The following OPLAH variants were observed in gnomAD, a reference collection of about 807,000 sequenced individuals.
OPLAH encodes the protein 5-oxoprolinase, ATP-hydrolysing.
A neutral mutation model predicts 122.8 loss-of-function variants in OPLAH; 103 were observed. The ratio of observed to expected loss-of-function variants is 0.84; its 90% CI spans 0.71 to 0.99. OPLAH has a LOEUF of 0.99. Among genes scored for constraint, OPLAH ranks in the 50% least tolerant of loss-of-function variants. The pLI is 0.00. For missense variants in OPLAH, 1,902 were observed against 1,836.5 expected, an observed-to-expected ratio of 1.04 and a Z score of -0.65; for synonymous variants, 875 against 796.0, an observed-to-expected ratio of 1.10 and a Z score of -1.67.
chr8:144,058,353 T>G lies in OPLAH; in HGVS notation c.835A>C (p.Thr279Pro), dbSNP rs1587564993. The change falls in exon 7 of 27, where the codon ACC becomes CCC. Residue 279 changes from threonine (T) to proline (P), a missense_variant. This residue lies in a region of OPLAH where 1,726 missense variants were observed against 1,642.1 expected (regional missense o/e 1.05). Coordinates refer to ENST00000618853, the MANE Select transcript of OPLAH (RefSeq NM_017570.5). ...AGCACAGCACTGGAGCCGCTGAAGG[T>G]GTCCATGGGCGCCAGGCCGCCATCG... is the stretch of plus-strand genomic sequence containing the variant. Reference protein sequence around the residue: ...RSDGGLAPMDTFSGSSAVLSG... With the variant: ...RSDGGLAPMDPFSGSSAVLSG... 6.3e-7 allele frequency: 1 copy of G among 1,596,676 alleles called. No individual in the cohort carries two copies. The highest frequency in any genetic ancestry group is 8.5e-7 in the Non-Finnish European group (1 of 1,174,336).
chr8:144,058,673 C>G lies in OPLAH; in HGVS notation c.606G>C (p.Gln202His). The change falls in exon 6 of 27, where the codon CAG becomes CAC. Residue 202 changes from glutamine to histidine, a missense_variant. Coordinates refer to ENST00000618853, the MANE Select transcript of OPLAH (RefSeq NM_017570.5). The part of the protein sequence containing the change: ...MHSYTWAQHE[Q>H]QVGVLARELG... ...GCTCCCGGGCCAGCACACCCACCTG[C>G]TGCTCATGCTGGGCCCACCTATGAC... 1 of 1,591,908 alleles carries G rather than the reference C, an allele frequency of 6.3e-7. No homozygotes were observed. The highest frequency in any genetic ancestry group is 8.5e-7 in the Non-Finnish European group (1 of 1,171,294).
chr8:144,057,470 C>G lies in OPLAH; in HGVS notation c.1400G>C (p.Arg467Pro). 1 of 1,590,298 alleles carries G rather than the reference C, an allele frequency of 6.3e-7. No individual in the cohort carries two copies. The highest frequency in any genetic ancestry group is 2.3e-5 in the East Asian group (1 of 43,790). The change falls in exon 10 of 27, where the codon CGG (arginine) becomes CCG (proline). Residue 467 changes from arginine (R) to proline (P), a missense_variant. By Grantham distance (103) the Arg-to-Pro change is moderately radical. Coordinates refer to ENST00000618853, the MANE Select transcript of OPLAH (RefSeq NM_017570.5). ...TACCTGCGTGAGTGCACGGATGGGC[C>G]GGCACATGGCCTCGTTGGCCACGCG... Reference protein sequence around the residue: ...FVRVANEAMCRPIRALTQARG... With the variant: ...FVRVANEAMCPPIRALTQARG...
chr8:144,056,924 G>A (rs1554759361), intron 12 of OPLAH, 24 bp downstream of exon 12: 18 of 1,556,556 alleles, frequency 1.2e-5, no homozygotes, highest in Non-Finnish European at 1.5e-5. Flanking sequence ...TAAGCCCTCT[G>A]TCCAGGGCAC....
In OPLAH at chr8:144,051,394, G is replaced by C. The variant is rs782525548; in HGVS notation, c.3799C>G (p.Pro1267Ala). Residue 1267 changes from proline to alanine, a missense_variant, in exon 27 of 27, where the codon CCG becomes GCG. Pro to Ala is a conservative substitution (Grantham distance 27). Transcript: ENST00000618853. ...EDPAPPPGSPPQALAFPEHGS... is the reference protein window; with the variant it reads ...EDPAPPPGSPAQALAFPEHGS... ...TGCTCGGGAAAGGCCAGTGCTTGCG[G>C]GGGCGACCCCGGCGGTGGGGCGGGG... 26 of 1,601,328 alleles carry C rather than the reference G, an allele frequency of 1.6e-5. No individual in the cohort carries two copies. In the Admixed American group the frequency reaches 4.3e-4, roughly 27 times the overall value.
chr8:144,055,114 A>C lies in OPLAH; in HGVS notation c.2324T>G (p.Leu775Arg), dbSNP rs781916722. 1.6e-5 allele frequency: 25 copies of C among 1,586,164 alleles called. 1 individual carries two copies. In the South Asian group the frequency reaches 2.8e-4, roughly 18 times the overall value. Residue 775 changes from leucine (L) to arginine (R), a missense_variant, in exon 17 of 27, where the codon CTC becomes CGC. Leu to Arg is a moderately radical substitution (Grantham distance 102, BLOSUM62 -2). Transcript: ENST00000618853. The surrounding 1 kb of genome is among the most constrained non-coding windows in gnomAD (Gnocchi z 6.5). ...IKERLDFSCA[L>R]FGPDGGLVSN... Reference sequence around the variant, plus strand: ...CACCAGCCCCCCATCGGGCCCAAAGAGGGCACAGGAGAAGTCCAGACGCTC... The same window carrying C: ...CACCAGCCCCCCATCGGGCCCAAAGCGGGCACAGGAGAAGTCCAGACGCTC...
rs371046097 is a variant in OPLAH, at chr8:144,056,478, G to A, written c.1890C>T (p.Val630=). The A allele has an allele frequency of 6.0e-5, 96 of 1,611,710 alleles. No homozygotes were observed. The African/African-American group carries it at 8.4e-4, about 14-fold the overall frequency. Residue 630 remains valine (V), a synonymous_variant, in exon 14 of 27, where the codon GTC becomes GTT. Coordinates refer to ENST00000618853, the MANE Select transcript of OPLAH (RefSeq NM_017570.5). ...FGFVIPERPV[V]VDDVRVRGTG... ...TGCCCCGCACTCGCACATCGTCCAC[G>A]ACCACCGGCCGCTCAGGTATGACAA...
chr8:144,059,621 G>C lies in OPLAH; in HGVS notation c.341C>G (p.Ala114Gly), dbSNP rs1554760374. The C allele has an allele frequency of 1.9e-6, 3 of 1,610,912 alleles. No homozygotes were observed. Among genetic ancestry groups the C allele is most frequent in the Non-Finnish European group, 2.5e-6 (3 of 1,178,674 alleles). The change falls in exon 3 of 27, where the codon GCC becomes GGC. Residue 114 changes from alanine (A) to glycine (G), a missense_variant. Around this residue, in one of 3 missense-constraint regions of OPLAH, gnomAD observed 168 missense variants for 170.6 expected, o/e 0.98. Transcript: ENST00000618853. ...CACCAGGTCAAAGAGGTCCCCACGGGCTTGGGTGCCAATGTGCAGCAGGTC... is the reference window on the plus strand; with the variant it reads ...CACCAGGTCAAAGAGGTCCCCACGGCCTTGGGTGCCAATGTGCAGCAGGTC... ...FRDLLHIGTQ[A>G]RGDLFDLAVP...
Position 144,055,862 on chromosome 8 carries a change from ACTTCGGC to A in OPLAH, c.2167_2173del (p.Ala723SerfsTer22). The A allele has an allele frequency of 1.3e-6, 2 of 1,579,656 alleles. No homozygotes were observed. Among genetic ancestry groups the A allele is most frequent in the Non-Finnish European group, 1.7e-6 (2 of 1,163,416 alleles). On this transcript the variant is annotated frameshift_variant, in exon 16 of 27. Coordinates refer to ENST00000618853, the MANE Select transcript of OPLAH (RefSeq NM_017570.5). LOFTEE classifies it high-confidence loss of function. The surrounding 1 kb of genome is among the most constrained non-coding windows in gnomAD (Gnocchi z 6.5). ...CAGCTGGGGGCCCACTGTGCCGGGG[ACTTCGGC>A]CCCCACGGAGATGCAGATGTCCCCT...
intron 1 of OPLAH, among the ~76,000 whole-genome samples, chr8:144,060,436 G>A (rs1554760673): frequency 6.6e-6 from 1 of 152,218 alleles, no homozygotes; most frequent in Non-Finnish European, 1.5e-5. Flanking sequence ...GGTTTGGGGC[G>A]AGCTGGCCGG....
At position 144,051,711 on chromosome 8, in the gene OPLAH, A is replaced by G. The variant is rs1212942286; in HGVS notation, c.3720+18T>C. Reference sequence around the variant, plus strand: ...GGGGAGGGGAGGGGAGGGGGACAGGACAGGCCGCGGCCCTTACCCCGGGGT... The same window carrying G: ...GGGGAGGGGAGGGGAGGGGGACAGGGCAGGCCGCGGCCCTTACCCCGGGGT... On this transcript the variant is annotated intron_variant, in intron 26 of 26. Coordinates refer to ENST00000618853, the MANE Select transcript of OPLAH (RefSeq NM_017570.5). The G allele has an allele frequency of 5.1e-6, 8 of 1,572,794 alleles. No individual in the cohort carries two copies. In the Admixed American group the frequency reaches 1.0e-4, roughly 20 times the overall value.
downstream of OPLAH, chr8:144,050,634 G>A: frequency 3.0e-6 from 3 of 985,510 alleles, no homozygotes; most frequent in Non-Finnish European, 2.4e-6. Flanking sequence ...CCTGGGTATC[G>A]CGCTTGGGGG....
Position 144,052,521 on chromosome 8 carries a change from G to A in OPLAH, c.3231C>T (p.Gly1077=). 1.3e-6 allele frequency: 2 copies of A among 1,584,782 alleles called. No homozygotes were observed. Among genetic ancestry groups the A allele is most frequent in the Admixed American group, 1.7e-5 (1 of 57,524 alleles). Residue 1077 remains glycine (G), a synonymous_variant, in exon 23 of 27, where the codon GGC becomes GGT. Coordinates refer to ENST00000618853, the MANE Select transcript of OPLAH (RefSeq NM_017570.5). The part of the protein sequence containing the change: ...LDPSPEAAVV[G]GNVLTSQRVV... ...CGCGCTGCGACGTGAGCACGTTGCC[G>A]CCCACCACCGCCGCCTCGGGCGACG...
Position 144,052,191 on chromosome 8 carries a change from C to A in OPLAH, c.3439G>T (p.Asp1147Tyr). The change falls in exon 24 of 27, where the codon GAC becomes TAC. Residue 1147 changes from aspartate to tyrosine, a missense_variant. Transcript: ENST00000618853. ...CACCGGCTCTCCAGGATCTCAGGGT[C>A]GGTGATGCGTGTGTTGGTCATGTGG... is the stretch of plus-strand genomic sequence containing the variant. ...HSHMTNTRIT[D>Y]PEILESRYPV... is the part of the protein sequence containing the mutation. 2 of 1,579,294 alleles carry A rather than the reference C, an allele frequency of 1.3e-6. No homozygotes were observed. Among genetic ancestry groups the A allele is most frequent in the South Asian group, 1.1e-5 (1 of 88,840 alleles).
At chr8:144,051,560 G>T in intron 26 of OPLAH, 88 bp from the exon 27 acceptor site, 1 of 1,236,484 alleles carries the variant, frequency 8.1e-7, no homozygotes, top group Non-Finnish European at 1.1e-6. Flanking sequence ...CCACCGGGCA[G>T]CGTCCATCAC....
At chr8:144,051,655 A>T (rs1160381903) in intron 26 of OPLAH, 74 bp downstream of exon 26, 2 of 1,298,912 alleles carry the variant, frequency 1.5e-6, no homozygotes, top group Non-Finnish European at 2.1e-6. Context: ...CAGGTCTGCA[A>T]CTGTTCCCCC....
chr8:144,051,227 G>T (rs1418428084), downstream of OPLAH: 12 of 1,553,868 alleles, frequency 7.7e-6, no homozygotes, highest in Non-Finnish European at 7.8e-6. Flanking sequence ...GATGAGGGGC[G>T]CGCGGCTGGC....
Position 144,060,061 on chromosome 8 carries a change from T to C in OPLAH, c.-29A>G. On this transcript the variant is annotated 5_prime_UTR_variant, in exon 2 of 27. Coordinates refer to ENST00000618853, the MANE Select transcript of OPLAH (RefSeq NM_017570.5). ...GGTGGGGCTGGAGTCCCACAGGAGC[T>C]CTTCAGCTGGTAGCCCTGGAAAAAC... 6.3e-7 allele frequency: 1 copy of C among 1,599,632 alleles called. No homozygotes were observed. The highest frequency in any genetic ancestry group is 1.1e-5 in the South Asian group (1 of 90,014).
In OPLAH at chr8:144,053,269, C is replaced by T; in HGVS notation, c.2811G>A (p.Val937=). 1.9e-6 allele frequency: 3 copies of T among 1,613,070 alleles called. No individual in the cohort carries two copies. Among genetic ancestry groups the T allele is most frequent in the East Asian group, 2.2e-5 (1 of 44,880 alleles). ...GGCCGTACTGCCCAATGAGCTCCCC[C>T]ACCAGCTGGATGCCCTTCTGGTTGG... ...VAANQKGIQL[V]GELIGQYGLD... is the part of the protein sequence containing the mutation. Residue 937 remains valine, a synonymous_variant, in exon 20 of 27, where the codon GTG becomes GTA. Coordinates refer to ENST00000618853, the MANE Select transcript of OPLAH (RefSeq NM_017570.5).
Position 144,059,753 on chromosome 8 carries a change from T to G in OPLAH, c.209A>C (p.Asp70Ala), listed in dbSNP as rs371222393. The G allele has an allele frequency of 2.5e-5, 41 of 1,609,706 alleles. No individual in the cohort carries two copies. The African/African-American group carries it at 4.8e-4, about 19-fold the overall frequency. Residue 70 changes from aspartate (D) to alanine (A), a missense_variant, in exon 3 of 27, where the codon GAC (aspartate) becomes GCC (alanine). Asp to Ala is a moderately radical substitution (Grantham distance 126). Coordinates refer to ENST00000618853, the MANE Select transcript of OPLAH (RefSeq NM_017570.5). ...GMLLPRDQPL[D>A]SSHIASIRMG... is the part of the protein sequence containing the mutation. ...GCGGATGCTGGCGATATGACTGGAG[T>G]CCAGCGGCTGGTCCCGGGGCAGGAG...
Sources: allele counts gnomAD v4.1 joint callset (sites outside exome capture counted in the v4.1 genomes callset), GRCh38; gene constraint gnomAD v4.1.1; regional missense constraint gnomAD v4.1.1; non-coding constraint Gnocchi (gnomAD v3.1); transcripts MANE v1.5; gene names NCBI Gene and HGNC (gene_info 2026-07-23, HGNC 2026-07-21).